ITPR2: variants seen among roughly 807,000 people sequenced by gnomAD.
The protein encoded by ITPR2 is inositol 1,4,5-trisphosphate-gated calcium channel ITPR2.
A neutral mutation model predicts 317.1 loss-of-function variants in ITPR2; 207 were observed. The ratio of observed to expected loss-of-function variants is 0.65; its 90% CI spans 0.58 to 0.73. The LOEUF (loss-of-function observed/expected upper bound fraction) is 0.73, where lower values mean the gene tolerates loss of function less well. ITPR2 is among the 30% of genes least tolerant of loss of function. The probability of loss-of-function intolerance (pLI) is 0.00; values close to 1 mark genes in which losing one functional copy is unlikely to be tolerated. For missense variants in ITPR2, 2,613 were observed against 3,284.0 expected, an observed-to-expected ratio of 0.80 and a Z score of 4.99; for synonymous variants, 1,156 against 1,149.1, an observed-to-expected ratio of 1.01 and a Z score of -0.12.
chr12:26,388,516 G>A (rs1476540110), intron 54 of ITPR2, among the ~76,000 whole-genome samples: 1 of 152,028 alleles, frequency 6.6e-6, no homozygotes, highest in Non-Finnish European at 1.5e-5. Context: ...CCAGGCTGGA[G>A]TGCAGTGGCT....
intron 21 of ITPR2, among the ~76,000 whole-genome samples, chr12:26,643,611 A>G (rs574032100): frequency 6.6e-6 from 1 of 152,362 alleles, no homozygotes; most frequent in South Asian, 2.1e-4. Context: ...CAGAGGAGGT[A>G]TCAGATAGAA....
At chr12:26,823,168 A>G (rs1950963772) in intron 1 of ITPR2, among the ~76,000 whole-genome samples, 2 of 151,972 alleles carry the variant, frequency 1.3e-5, no homozygotes, top group South Asian at 4.1e-4. Flanking sequence ...GGCACTTGGA[A>G]AAAAACAAAA....
chr12:26,599,588 G>A (rs945435578), intron 29 of ITPR2, among the ~76,000 whole-genome samples: 7 of 152,140 alleles, frequency 4.6e-5, no homozygotes, highest in South Asian at 4.1e-4. Context: ...ATTGGCAACA[G>A]TATTCTTGAG....
At chr12:26,600,199 TTC>T in intron 28 of ITPR2, 90 bp from the exon 29 acceptor site, 1 of 1,122,702 alleles carries the variant, frequency 8.9e-7, no homozygotes, top group South Asian at 1.5e-5. Context: ...CATACCATTT[TTC>T]TCTCTGCCCA....
chr12:26,740,970 G>A (rs751774292), intron 2 of ITPR2, among the ~76,000 whole-genome samples: 1 of 152,232 alleles, frequency 6.6e-6, no homozygotes, highest in Non-Finnish European at 1.5e-5. Flanking sequence ...GGGCCACCAT[G>A]ATTCCACTTC....
chr12:26,479,144 GAA>G (rs11322201), intron 43 of ITPR2, among the ~76,000 whole-genome samples: 18,133 of 140,848 alleles, frequency 0.13, 1,452 homozygotes, highest in African/African-American at 0.24. Flanking sequence ...CATTCACTAA[GAA>G]AAAAAAAAAA....
At chr12:26,412,896 G>A (rs1210281803) in intron 51 of ITPR2, among the ~76,000 whole-genome samples, 1 of 152,138 alleles carries the variant, frequency 6.6e-6, no homozygotes, top group Non-Finnish European at 1.5e-5. Flanking sequence ...TCTAAAGGCT[G>A]TGAACCAATG....
At chr12:26,604,283 G>T (rs762192754) in intron 26 of ITPR2, among the ~76,000 whole-genome samples, 10 of 152,008 alleles carry the variant, frequency 6.6e-5, no homozygotes, top group Non-Finnish European at 1.5e-4. Flanking sequence ...TTGTCCTGAG[G>T]CTCCCAGTCT....
chr12:26,341,556 C>T (rs1938113880), intron 55 of ITPR2, among the ~76,000 whole-genome samples: 1 of 152,164 alleles, frequency 6.6e-6, no homozygotes, highest in Non-Finnish European at 1.5e-5. Context: ...TCCCTACCCC[C>T]AATGGCAGTG....
At chr12:26,516,447 G>C (rs1443874761) in intron 37 of ITPR2, among the ~76,000 whole-genome samples, 1 of 152,028 alleles carries the variant, frequency 6.6e-6, no homozygotes, top group Non-Finnish European at 1.5e-5. Context: ...TGTGATAGCA[G>C]AAAAGAAAAG....
intron 21 of ITPR2, among the ~76,000 whole-genome samples, chr12:26,643,081 A>G (rs921425598): frequency 3.9e-5 from 6 of 152,218 alleles, no homozygotes; most frequent in African/African-American, 1.4e-4. Flanking sequence ...AAGATGCCCA[A>G]GAAAAATTCC....
intron 1 of ITPR2, chr12:26,801,171 G>T: frequency 6.3e-6 from 1 of 159,914 alleles, no homozygotes; most frequent in South Asian, 1.7e-4. Context: ...CATGCAGCTG[G>T]GCAAAGTAGC....
At chr12:26,717,246 C>T (rs766853643) in intron 5 of ITPR2, among the ~76,000 whole-genome samples, 7 of 152,104 alleles carry the variant, frequency 4.6e-5, no homozygotes, top group Non-Finnish European at 8.8e-5. Context: ...AGGATTCAGT[C>T]GATATGAATA....
At chr12:26,635,951 T>C (rs1946854676) in intron 21 of ITPR2, among the ~76,000 whole-genome samples, 1 of 152,164 alleles carries the variant, frequency 6.6e-6, no homozygotes, top group Admixed American at 6.5e-5. Flanking sequence ...GTAGGTAATA[T>C]GGTAGCAACC....
At chr12:26,574,412 G>A (rs1463274875) in intron 34 of ITPR2, among the ~76,000 whole-genome samples, 26 of 152,226 alleles carry the variant, frequency 1.7e-4, no homozygotes, top group Admixed American at 1.0e-3. Flanking sequence ...TATGACCAGC[G>A]TCCAAAAACA....
rs911506299 is a variant in ITPR2 at position 26,600,172 on chromosome 12, A to T, written c.3679-63T>A. On this transcript the variant is annotated intron_variant, in intron 28 of 56. Transcript: ENST00000381340. ...TAGGAGACAGCAAATGTTATGCAAA[A>T]ATCTCTCCTTCACCCACATACCATT... is the stretch of plus-strand genomic sequence containing the variant. 3 of 1,432,174 alleles carry T rather than the reference A, an allele frequency of 2.1e-6. No homozygotes were observed. The Admixed American group carries it at 5.4e-5, about 26-fold the overall frequency. The allele number at this position is 1,432,174 out of a possible 1,614,324, so 88.7% of individuals were successfully genotyped here.
At chr12:26,529,785 G>C (rs1943903530) in intron 37 of ITPR2, among the ~76,000 whole-genome samples, 1 of 152,172 alleles carries the variant, frequency 6.6e-6, no homozygotes, top group Non-Finnish European at 1.5e-5. Flanking sequence ...TGGTACCTAT[G>C]AAGATTCAAT....
intron 1 of ITPR2, among the ~76,000 whole-genome samples, chr12:26,804,859 C>T (rs1008597255): frequency 6.6e-6 from 1 of 152,122 alleles, no homozygotes; most frequent in African/African-American, 2.4e-5. Flanking sequence ...TTCAGCCTCC[C>T]TATCAGTTGA....
intron 10 of ITPR2, among the ~76,000 whole-genome samples, chr12:26,687,230 C>T (rs1410724871): frequency 6.6e-6 from 1 of 152,160 alleles, no homozygotes; most frequent in East Asian, 1.9e-4. Flanking sequence ...GCACACCCTA[C>T]CATTTTAAGC....
Sources: gnomAD v4.1 joint callset for allele counts (sites outside exome capture counted in the v4.1 genomes callset) on GRCh38, gnomAD v4.1.1 for gene constraint, MANE v1.5 for transcripts, NCBI Gene and HGNC (gene_info 2026-07-23, HGNC 2026-07-21) for gene names.